Variants in SLC3A2 observed in about 807,000 individuals in gnomAD.
SLC3A2 encodes amino acid transporter heavy chain SLC3A2.
In SLC3A2, 32 loss-of-function variants were observed where a neutral mutation model predicts 48.5. The ratio of observed to expected loss-of-function variants is 0.66; its 90% CI spans 0.50 to 0.89. The LOEUF (loss-of-function observed/expected upper bound fraction) is 0.89, where lower values mean the gene tolerates loss of function less well. Among genes scored for constraint, SLC3A2 ranks in the 40% least tolerant of loss-of-function variants. SLC3A2 has a pLI of 0.00. For synonymous variants in SLC3A2, 277 were observed against 288.8 expected (o/e 0.96, Z 0.41); for missense variants, 587 against 680.7 (o/e 0.86, Z 1.53).
At chr11:62,882,808 G>A (rs1176328177) in intron 2 of SLC3A2, 100 bp from the exon 3 acceptor site, 6 of 1,004,018 alleles carry the variant, frequency 6.0e-6, no homozygotes, top group East Asian at 2.4e-5. Context: ...TTTGTACCAA[G>A]TAATACATAG....
Position 62,881,161 on chromosome 11 carries a change from GGTGGCGGAAGAC to G in SLC3A2, c.140_151del (p.Val47_Asp50del). ...AGAAGAATGGTCTGGTGAAGATCAA[GGTGGCGGAAGAC>G]GAGGCGGAGGCGGCAGCCGCGGCTA... On this transcript the variant is annotated inframe_deletion, in exon 1 of 9. Coordinates refer to ENST00000338663, the MANE Select transcript of SLC3A2 (RefSeq NM_001013251.3). This position sits in a 1 kb window ranked among gnomAD's most constrained non-coding sequence, Gnocchi z 4.0. The G allele has an allele frequency of 6.2e-7, 1 of 1,600,086 alleles. No individual in the cohort carries two copies. The highest frequency in any genetic ancestry group is 8.5e-7 in the Non-Finnish European group (1 of 1,175,042).
chr11:62,858,541 C>A (rs1206708878), intron 1 of SLC3A2, among the ~76,000 whole-genome samples: 10 of 152,066 alleles, frequency 6.6e-5, no homozygotes, highest in Non-Finnish European at 1.5e-5. Context: ...TGCCCCTCCA[C>A]ACCTGTGGAT....
chr11:62,873,317 G>A lies in SLC3A2; in HGVS notation c.113-7702G>A, dbSNP rs189909287. Among the ~76,000 whole-genome samples the A allele has an allele frequency of 1.6e-4, 25 of 151,890 alleles. 5 individuals are homozygous for A. The highest frequency in any genetic ancestry group is 1.3e-3 in the Admixed American group (20 of 15,212). ...GCCTGGCCAACATTAGTGAAACCCC[G>A]TCTCTACTAAAAATACAAAAATTAG... is the stretch of plus-strand genomic sequence containing the variant. On this transcript the variant is annotated intron_variant, in intron 1 of 9. Transcript: ENST00000377889.
intron 1 of SLC3A2, among the ~76,000 whole-genome samples, chr11:62,866,234 C>T (rs1289789546): frequency 4.6e-5 from 7 of 151,602 alleles, no homozygotes; most frequent in Admixed American, 2.6e-4. Flanking sequence ...TCTTCTGCCT[C>T]GGCCTCCCAA....
chr11:62,868,773 C>G (rs1215786350), intron 1 of SLC3A2, among the ~76,000 whole-genome samples: 1 of 152,172 alleles, frequency 6.6e-6, no homozygotes, highest in Non-Finnish European at 1.5e-5. Context: ...TTGGTTTAGT[C>G]AGATGTTTTC....
rs11231254 is a variant in SLC3A2, at chr11:62,858,374, G to T, written c.112+1993G>T. Among the ~76,000 whole-genome samples the T allele has an allele frequency of 1.9e-3, 287 of 152,282 alleles. 4 individuals carry two copies. In the East Asian group the frequency reaches 0.028, roughly 15 times the overall value. On this transcript the variant is annotated intron_variant, in intron 1 of 9. Coordinates refer to the SLC3A2 transcript ENST00000377889. ...GTGATCAGATAGTCAGTTTTCAAAA[G>T]AATCCAGAAGTCCAGAATTGTGTAT...
rs56758000 is a variant in SLC3A2 at position 62,867,322 on chromosome 11, C to CTTTTTTT, written c.112+10957_112+10963dup. Among the ~76,000 whole-genome samples the CTTTTTTT allele has an allele frequency of 1.0e-3, 71 of 67,660 alleles. 1 individual carries two copies. The highest frequency in any genetic ancestry group is 3.3e-3 in the African/African-American group (64 of 19,510). 44.4% of individuals were successfully genotyped at this position (67,660 alleles called of 152,430 possible). ...CCCTTTATTCTTTCTCTTTTCTTTT[C>CTTTTTTT]TTTTTTTTTTTTTTTTTTTTTTGAT... On this transcript the variant is annotated intron_variant, in intron 1 of 9. Transcript: ENST00000377889.
chr11:62,866,314 C>T (rs2085452241), intron 1 of SLC3A2, among the ~76,000 whole-genome samples: 1 of 151,738 alleles, frequency 6.6e-6, no homozygotes, highest in African/African-American at 2.4e-5. Context: ...GACGGGGTTT[C>T]ACCATGTTGG....
At chr11:62,884,280 CTGGAGGGGTCCAAAGGCTAAGCCTTTGT>C in intron 3 of SLC3A2, 149 bp from the exon 4 acceptor site, 1 of 638,228 alleles carries the variant, frequency 1.6e-6, no homozygotes, top group African/African-American at 1.8e-5. Context: ...AAGGGTAGAG[CTGGAGGGGTCCAAAGGCTAAGCCTTTGT>C]AGTGCAGGTG....
Position 62,856,184 on chromosome 11 carries a change from T to G in SLC3A2, c.-86T>G, listed in dbSNP as rs567508004. On this transcript the variant is annotated 5_prime_UTR_variant, in exon 1 of 10. Transcript: ENST00000377889. ...TCACTGCCTCACGGCGATCCTGGAC[T>G]GACGGTCACGACTGCCTACCCTCTA... The G allele has an allele frequency of 3.7e-4, 392 of 1,065,336 alleles. 5 individuals are homozygous for G. The South Asian group carries it at 5.9e-3, about 16-fold the overall frequency. 66.0% of individuals were successfully genotyped at this position (1,065,336 alleles called of 1,614,324 possible).
chr11:62,888,152 C>A lies in SLC3A2; in HGVS notation c.1161C>A (p.Val387=). The A allele has an allele frequency of 6.2e-7, 1 of 1,613,808 alleles. No individual in the cohort carries two copies. The highest frequency in any genetic ancestry group is 1.1e-5 in the South Asian group (1 of 91,050). ...ALPGQPMEAP[V]MLWDESSFPD... is the part of the protein sequence containing the mutation. ...CTTTTCAGCCTATGGAGGCTCCAGT[C>A]ATGCTGTGGGATGAGTCCAGCTTCC... The change falls in exon 8 of 9, where the codon GTC becomes GTA. Residue 387 remains valine, a synonymous_variant. Transcript: ENST00000338663.
At chr11:62,874,620 A>C (rs1393572904) in intron 1 of SLC3A2, among the ~76,000 whole-genome samples, 3 of 152,170 alleles carry the variant, frequency 2.0e-5, no homozygotes, top group Admixed American at 6.6e-5. Flanking sequence ...TATAGGATTC[A>C]TAGTAACAAT....
chr11:62,857,961 G>T (rs890881487), intron 1 of SLC3A2, among the ~76,000 whole-genome samples: 1 of 151,952 alleles, frequency 6.6e-6, no homozygotes, highest in African/African-American at 2.4e-5. Flanking sequence ...GGGAGTATTA[G>T]AATATAAAAC....
intron 3 of SLC3A2, chr11:62,883,280 C>CT: frequency 2.6e-6 from 1 of 389,146 alleles, no homozygotes; most frequent in South Asian, 3.2e-5. Context: ...TTTGATTTTT[C>CT]TTTCTTTTGG....
chr11:62,885,380 A>AG, intron 6 of SLC3A2, 23 bp downstream of exon 6: 1 of 1,614,054 alleles, frequency 6.2e-7, no homozygotes. Flanking sequence ...CTGGTGGGAA[A>AG]GGGGGCAGAT....
At chr11:62,888,261 G>T in intron 8 of SLC3A2, 43 bp downstream of exon 8, 1 of 1,610,142 alleles carries the variant, frequency 6.2e-7, no homozygotes, top group Non-Finnish European at 8.5e-7. Context: ...TGGAGGGTGG[G>T]CTGGGCTTGT....
At chr11:62,888,097 C>A in intron 7 of SLC3A2, 38 bp from the exon 8 acceptor site, 1 of 1,570,114 alleles carries the variant, frequency 6.4e-7, no homozygotes. Context: ...ATGCCTGACC[C>A]CAGGCCTTTT....
At chr11:62,858,113 A>G (rs2085358723) in intron 1 of SLC3A2, among the ~76,000 whole-genome samples, 1 of 152,190 alleles carries the variant, frequency 6.6e-6, no homozygotes, top group Admixed American at 6.5e-5. Context: ...GATAAGATGG[A>G]GACAAGGGCA....
chr11:62,866,811 A>G (rs1449060838), intron 1 of SLC3A2, among the ~76,000 whole-genome samples: 1 of 152,222 alleles, frequency 6.6e-6, no homozygotes, highest in African/African-American at 2.4e-5. Flanking sequence ...GATTGAATAA[A>G]AACTTAAACT....
Sources: allele counts gnomAD v4.1 joint callset (sites outside exome capture counted in the v4.1 genomes callset), GRCh38; gene constraint gnomAD v4.1.1; non-coding constraint Gnocchi (gnomAD v3.1); transcripts MANE v1.5; gene names NCBI Gene and HGNC (gene_info 2026-07-23, HGNC 2026-07-21).